DOCK1: variants seen among roughly 807,000 people sequenced by gnomAD.
DOCK1 encodes the protein dedicator of cytokinesis 1, also known as dedicator of cytokinesis protein 1.
Under a neutral mutation model 262.7 loss-of-function variants are expected in DOCK1, and 138 were observed. That is an observed-to-expected ratio of 0.53 (90% CI 0.46 to 0.61). DOCK1 has a LOEUF of 0.61. Ranked by LOEUF, DOCK1 falls within the 20% of genes least tolerant of loss-of-function variation. The pLI, the probability that DOCK1 is intolerant of heterozygous loss-of-function variation, is 0.00. For missense variants in DOCK1, 1,908 were observed against 2,370.7 expected (o/e 0.80, Z 4.05); for synonymous variants, 866 against 867.4 (o/e 1.00, Z 0.03).
intron 27 of DOCK1, among the ~76,000 whole-genome samples, chr10:127,148,030 C>CAAAAAA (rs57503481): frequency 4.7e-5 from 3 of 63,274 alleles, no homozygotes; most frequent in Admixed American, 2.5e-4. Flanking sequence ...GACTCTGTCT[C>CAAAAAA]AAAAAAAAAA....
intron 45 of DOCK1, among the ~76,000 whole-genome samples, 191 bp from the exon 46 acceptor site, chr10:127,419,475 A>T (rs1054102045): frequency 1.3e-5 from 2 of 152,220 alleles, no homozygotes; most frequent in Non-Finnish European, 2.9e-5. Flanking sequence ...TGTTAGCTCC[A>T]CTTACAGTGT....
At chr10:127,167,939 C>T (rs1412852733) in intron 27 of DOCK1, among the ~76,000 whole-genome samples, 1 of 152,184 alleles carries the variant, frequency 6.6e-6, no homozygotes, top group Non-Finnish European at 1.5e-5. Flanking sequence ...TTCCCAGTAG[C>T]AAAGTAACCT....
chr10:126,995,048 G>A lies in DOCK1; in HGVS notation c.474-1700G>A, dbSNP rs1004455673. On this transcript the variant is annotated intron_variant, in intron 6 of 51. Coordinates refer to ENST00000623213, the MANE Select transcript of DOCK1 (RefSeq NM_001290223.2). This position sits in a 1 kb window ranked among gnomAD's most constrained non-coding sequence, Gnocchi z 5.8. ...CACTCCTCAGTTCCCAGACGGGGTC[G>A]TGGCTGGGCAGAGGCGCTCTTCACA... Among the ~76,000 whole-genome samples, 3 of 150,722 alleles carry A rather than the reference G, an allele frequency of 2.0e-5. No individual in the cohort carries two copies. The highest frequency in any genetic ancestry group is 7.3e-5 in the African/African-American group (3 of 40,850).
chr10:126,920,981 G>C (rs2033128958), intron 1 of DOCK1, among the ~76,000 whole-genome samples: 1 of 152,124 alleles, frequency 6.6e-6, no homozygotes, highest in Non-Finnish European at 1.5e-5. Context: ...CAGATCACCT[G>C]AGGTCAGGAG....
chr10:127,451,453 G>C lies in DOCK1; in HGVS notation c.*26G>C, dbSNP rs372286406. On this transcript the variant is annotated 3_prime_UTR_variant, in exon 52 of 52. Coordinates refer to ENST00000623213, the MANE Select transcript of DOCK1 (RefSeq NM_001290223.2). ...CGTCGCAAGCCTCTCTGGAAAGAGT[G>C]TGCTGCCCCTCCCCATCTCCATGCC... 83 of 1,556,996 alleles carry C rather than the reference G, an allele frequency of 5.3e-5. No homozygotes were observed. Among genetic ancestry groups the C allele is most frequent in the African/African-American group, 3.7e-4 (27 of 73,450 alleles).
intron 27 of DOCK1, chr10:127,135,861 A>G (rs1315609618): frequency 6.6e-6 from 1 of 152,654 alleles, no homozygotes; most frequent in Non-Finnish European, 1.5e-5. Context: ...ATTTACTGAG[A>G]TAGTTGGGAT....
At chr10:127,070,312 G>T (rs1369705614) in intron 23 of DOCK1, among the ~76,000 whole-genome samples, 20 of 139,268 alleles carry the variant, frequency 1.4e-4, no homozygotes, top group Non-Finnish European at 2.7e-4. Flanking sequence ...GGAGAGCAGT[G>T]GTGTGATCTC....
intron 29 of DOCK1, among the ~76,000 whole-genome samples, chr10:127,305,831 G>C (rs1181353404): frequency 6.6e-6 from 1 of 152,122 alleles, no homozygotes; most frequent in South Asian, 2.1e-4. Context: ...TTTTCGTTTT[G>C]TTTTTTCAGT....
chr10:127,097,091 T>C (rs530187887), intron 23 of DOCK1, among the ~76,000 whole-genome samples: 1 of 152,050 alleles, frequency 6.6e-6, no homozygotes, highest in African/African-American at 2.4e-5. Flanking sequence ...GGCAACAGAG[T>C]GAGACTCTAT....
intron 29 of DOCK1, among the ~76,000 whole-genome samples, chr10:127,314,115 A>G (rs932015045): frequency 6.6e-6 from 1 of 152,198 alleles, no homozygotes; most frequent in African/African-American, 2.4e-5. Flanking sequence ...ACTTGAGTTG[A>G]TGAGCCTGCT....
intron 39 of DOCK1, among the ~76,000 whole-genome samples, chr10:127,404,120 G>T (rs1486511284): frequency 6.6e-6 from 1 of 152,122 alleles, no homozygotes; most frequent in Admixed American, 6.5e-5. Context: ...GATGGAGAAT[G>T]AGTGAAAAAT....
At chr10:127,425,524 G>A (rs1272383125) in intron 46 of DOCK1, among the ~76,000 whole-genome samples, 1 of 152,086 alleles carries the variant, frequency 6.6e-6, no homozygotes, top group Non-Finnish European at 1.5e-5. Context: ...AAAAATGTTC[G>A]CACTCTGACA....
chr10:127,426,966 G>A lies in DOCK1; in HGVS notation c.4914+955G>A, dbSNP rs1051931585. ...AGATGTGGGAGCAAAGCCAGGCACCGTGAGTCACAGTGCTGCCCTGCTTTG... is the reference window on the plus strand; with the variant it reads ...AGATGTGGGAGCAAAGCCAGGCACCATGAGTCACAGTGCTGCCCTGCTTTG... On this transcript the variant is annotated intron_variant, in intron 47 of 51. Coordinates refer to ENST00000623213, the MANE Select transcript of DOCK1 (RefSeq NM_001290223.2). Among the ~76,000 whole-genome samples the A allele has an allele frequency of 5.9e-5, 9 of 152,326 alleles. No homozygotes were observed. In the South Asian group the frequency reaches 1.2e-3, roughly 21 times the overall value.
chr10:127,078,371 G>T (rs907105951), intron 23 of DOCK1, among the ~76,000 whole-genome samples: 1 of 151,962 alleles, frequency 6.6e-6, no homozygotes, highest in Non-Finnish European at 1.5e-5. Flanking sequence ...AGCCCCTTTG[G>T]GGGTGTGGGG....
intron 23 of DOCK1, among the ~76,000 whole-genome samples, chr10:127,073,642 T>C (rs535592438): frequency 6.6e-6 from 1 of 152,274 alleles, no homozygotes; most frequent in South Asian, 2.1e-4. Flanking sequence ...GGACACAGAG[T>C]GACCGTCTCC....
At chr10:127,263,470 G>A (rs764189433) in intron 29 of DOCK1, among the ~76,000 whole-genome samples, 4 of 105,156 alleles carry the variant, frequency 3.8e-5, no homozygotes, top group Non-Finnish European at 6.0e-5. Flanking sequence ...ACTGATAGGC[G>A]ATGGCCTGAC....
At chr10:127,143,968 C>T (rs1183598075) in intron 27 of DOCK1, among the ~76,000 whole-genome samples, 2 of 152,188 alleles carry the variant, frequency 1.3e-5, no homozygotes, top group Non-Finnish European at 2.9e-5. Flanking sequence ...AGCCCCCATT[C>T]ATCTCCCTGG....
chr10:127,309,265 G>A (rs557715851), intron 29 of DOCK1, among the ~76,000 whole-genome samples: 1 of 151,792 alleles, frequency 6.6e-6, no homozygotes, highest in South Asian at 2.1e-4. Flanking sequence ...CATATCCTTT[G>A]CCCACTTTTT....
intron 27 of DOCK1, among the ~76,000 whole-genome samples, chr10:127,215,084 T>C (rs1217802127): frequency 6.6e-6 from 1 of 152,032 alleles, no homozygotes; most frequent in Non-Finnish European, 1.5e-5. Context: ...GGTTCTCGTT[T>C]TGTTCTTTGC....
Sources: gnomAD v4.1 joint callset for allele counts (sites outside exome capture counted in the v4.1 genomes callset) on GRCh38, gnomAD v4.1.1 for gene constraint, Gnocchi (gnomAD v3.1) non-coding constraint, MANE v1.5 for transcripts, NCBI Gene and HGNC (gene_info 2026-07-23, HGNC 2026-07-21) for gene names.